Variants in GSTCD observed in about 807,000 individuals in gnomAD.
The protein encoded by GSTCD is glutathione S-transferase C-terminal domain-containing protein.
A neutral mutation model predicts 68.3 loss-of-function variants in GSTCD; 44 were observed. The observed-to-expected ratio is 0.64, with a 90% CI of 0.51 to 0.83. GSTCD has a LOEUF of 0.83. Among genes scored for constraint, GSTCD ranks in the 40% least tolerant of loss-of-function variants. The probability of loss-of-function intolerance (pLI) is 0.00; values close to 1 mark genes in which losing one functional copy is unlikely to be tolerated. For synonymous variants in GSTCD, 273 were observed against 255.2 expected (o/e 1.07, Z -0.67); for missense variants, 739 against 735.9 (o/e 1.00, Z -0.05).
intron 5 of GSTCD, among the ~76,000 whole-genome samples, chr4:105,810,270 G>GTGT (rs1356977855): frequency 6.6e-6 from 1 of 151,930 alleles, no homozygotes; most frequent in Non-Finnish European, 1.5e-5. Context: ...TGGTTTCTCT[G>GTGT]TGTATCATAT....
intron 5 of GSTCD, among the ~76,000 whole-genome samples, chr4:105,736,773 C>T (rs1352072080): frequency 1.3e-5 from 2 of 152,178 alleles, no homozygotes; most frequent in East Asian, 3.9e-4. Flanking sequence ...TACTATTCTA[C>T]TCTCTAATTC....
chr4:105,792,672 TATC>T (rs1735722725), intron 5 of GSTCD, among the ~76,000 whole-genome samples: 1 of 152,078 alleles, frequency 6.6e-6, no homozygotes, highest in Non-Finnish European at 1.5e-5. Context: ...AAAGTATTAA[TATC>T]ATGTTGAGTA....
chr4:105,817,815 T>G (rs1438721647), intron 5 of GSTCD, among the ~76,000 whole-genome samples: 1 of 151,864 alleles, frequency 6.6e-6, no homozygotes, highest in Non-Finnish European at 1.5e-5. Flanking sequence ...CTCACAAAAG[T>G]TTTCAGAAAC....
intron 5 of GSTCD, among the ~76,000 whole-genome samples, chr4:105,746,936 C>A (rs1733824793): frequency 6.6e-6 from 1 of 152,158 alleles, no homozygotes; most frequent in Non-Finnish European, 1.5e-5. Flanking sequence ...TTTCTATAAA[C>A]CAACAGCAGC....
intron 5 of GSTCD, among the ~76,000 whole-genome samples, chr4:105,818,229 T>C (rs1440008474): frequency 6.6e-6 from 1 of 151,838 alleles, no homozygotes; most frequent in East Asian, 1.9e-4. Context: ...ATAAAAGATT[T>C]GTTATTTTGG....
Position 105,842,109 on chromosome 4 carries a change from G to T in GSTCD, c.1740G>T (p.Gln580His). The T allele has an allele frequency of 6.2e-7, 1 of 1,613,992 alleles. No homozygotes were observed. The highest frequency in any genetic ancestry group is 8.5e-7 in the Non-Finnish European group (1 of 1,179,922). Residue 580 changes from glutamine to histidine, a missense_variant, in exon 11 of 12, where the codon CAG becomes CAT. Gln to His is a conservative substitution (Grantham distance 24). Coordinates refer to ENST00000515279, the MANE Select transcript of GSTCD (RefSeq NM_001370181.1). ...GATTTGCAGACCAGACAGCTGTCCAGCTCCCACCCCAACGAAGGCTCATAG... is the reference window on the plus strand; with the variant it reads ...GATTTGCAGACCAGACAGCTGTCCATCTCCCACCCCAACGAAGGCTCATAG... ...LCRFADQTAV[Q>H]LPPQRRLIGK...
chr4:105,710,567 T>C (rs1204465225), intron 1 of GSTCD, among the ~76,000 whole-genome samples: 1 of 152,106 alleles, frequency 6.6e-6, no homozygotes, highest in Non-Finnish European at 1.5e-5. Flanking sequence ...TTGTAGCTTT[T>C]GTTTCATCAT....
intron 4 of GSTCD, among the ~76,000 whole-genome samples, chr4:105,727,468 T>C (rs760907691): frequency 6.7e-6 from 1 of 149,826 alleles, no homozygotes; most frequent in Non-Finnish European, 1.5e-5. Flanking sequence ...GAGGTTTCAG[T>C]GGGCCGAGAT....
chr4:105,713,876 A>G (rs1009195411), intron 1 of GSTCD, among the ~76,000 whole-genome samples: 5 of 151,752 alleles, frequency 3.3e-5, no homozygotes, highest in African/African-American at 4.8e-5. Flanking sequence ...ATAATGCCAT[A>G]GATCTTGACT....
At chr4:105,749,004 G>A (rs1733910970) in intron 5 of GSTCD, among the ~76,000 whole-genome samples, 1 of 151,830 alleles carries the variant, frequency 6.6e-6, no homozygotes, top group Admixed American at 6.5e-5. Flanking sequence ...TTTATAATAG[G>A]TTTTAATGAA....
chr4:105,846,693 CAG>C lies in GSTCD; in HGVS notation c.*1119_*1120del, dbSNP rs1225899174. Reference sequence around the variant, plus strand: ...CTTTTTTTTTTTTTTTTTTTTGAGACAGAGTTTCACTCTTGTTGCCCAGGCTG... The same window carrying C: ...CTTTTTTTTTTTTTTTTTTTTGAGACAGTTTCACTCTTGTTGCCCAGGCTG... On this transcript the variant is annotated 3_prime_UTR_variant, in exon 12 of 12. Transcript: ENST00000515279. The C allele has an allele frequency of 8.5e-6, 1 of 117,894 alleles. No individual in the cohort carries two copies. The highest frequency in any genetic ancestry group is 3.2e-5 in the African/African-American group (1 of 30,998). 7.3% of individuals were successfully genotyped at this position (117,894 alleles called of 1,614,324 possible).
At chr4:105,837,275 C>T (rs1156315885) in intron 9 of GSTCD, among the ~76,000 whole-genome samples, 1 of 152,174 alleles carries the variant, frequency 6.6e-6, no homozygotes, top group African/African-American at 2.4e-5. Flanking sequence ...CTTATTACTT[C>T]CAGGCCACTA....
rs1733726027 is a variant in GSTCD, at chr4:105,744,058, C to T, written c.1240+14559C>T. Among the ~76,000 whole-genome samples, 4 of 152,132 alleles carry T rather than the reference C, an allele frequency of 2.6e-5. No homozygotes were observed. In the South Asian group the frequency reaches 8.3e-4, roughly 31 times the overall value. ...TAACCTATAGTCTGGCAGATTTTGGCACATTTAGTTGCATTAAGGTGAAAC... is the reference window on the plus strand; with the variant it reads ...TAACCTATAGTCTGGCAGATTTTGGTACATTTAGTTGCATTAAGGTGAAAC... On this transcript the variant is annotated intron_variant, in intron 5 of 11. Coordinates refer to ENST00000515279, the MANE Select transcript of GSTCD (RefSeq NM_001370181.1).
chr4:105,713,637 G>A (rs942850080), intron 1 of GSTCD, among the ~76,000 whole-genome samples: 9 of 152,096 alleles, frequency 5.9e-5, no homozygotes, highest in Non-Finnish European at 1.3e-4. Context: ...TAGAAGTAAT[G>A]CACATGTTCT....
chr4:105,737,948 C>T (rs1733512224), intron 5 of GSTCD, among the ~76,000 whole-genome samples: 1 of 152,112 alleles, frequency 6.6e-6, no homozygotes, highest in African/African-American at 2.4e-5. Flanking sequence ...ACTCTTAGTT[C>T]CCATGAGAAC....
chr4:105,821,071 C>A (rs1307257999), intron 5 of GSTCD: 1 of 151,748 alleles, frequency 6.6e-6, no homozygotes, highest in East Asian at 1.9e-4. Flanking sequence ...CATGGTGGCT[C>A]CATTTAATGG....
intron 5 of GSTCD, among the ~76,000 whole-genome samples, chr4:105,748,725 A>G (rs1733898249): frequency 6.6e-6 from 1 of 151,968 alleles, no homozygotes; most frequent in Non-Finnish European, 1.5e-5. Context: ...GATATATATT[A>G]CATACGATAT....
At chr4:105,826,407 A>T (rs141296040) in intron 8 of GSTCD, among the ~76,000 whole-genome samples, 92 of 152,166 alleles carry the variant, frequency 6.0e-4, no homozygotes, top group Admixed American at 1.2e-3. Flanking sequence ...TTTTATGAAC[A>T]TGTTAGTGTT....
chr4:105,726,435 G>T, intron 3 of GSTCD, 144 bp from the exon 4 acceptor site: 1 of 587,782 alleles, frequency 1.7e-6, no homozygotes, highest in Non-Finnish European at 2.9e-6. Flanking sequence ...AAACTAGATG[G>T]TTGATAACTG....
Sources: allele counts gnomAD v4.1 joint callset (sites outside exome capture counted in the v4.1 genomes callset), GRCh38; gene constraint gnomAD v4.1.1; transcripts MANE v1.5; gene names NCBI Gene and HGNC (gene_info 2026-07-23, HGNC 2026-07-21).